Variants in CACNB2 observed in about 807,000 individuals in gnomAD.
CACNB2 encodes calcium voltage-gated channel auxiliary subunit beta 2.
CACNB2 carries 42 observed loss-of-function variants against 73.3 expected under a neutral mutation model. The observed-to-expected ratio is 0.57, with a 90% CI of 0.45 to 0.74. The LOEUF is 0.74. Among genes scored for constraint, CACNB2 ranks in the 30% least tolerant of loss-of-function variants. The pLI is 0.00. For synonymous variants in CACNB2, 348 were observed against 310.3 expected (o/e 1.12, Z -1.28); for missense variants, 940 against 853.0 (o/e 1.10, Z -1.27).
At chr10:18,355,553 C>T (rs1479795360) in intron 2 of CACNB2, among the ~76,000 whole-genome samples, 1 of 151,666 alleles carries the variant, frequency 6.6e-6, no homozygotes, top group Non-Finnish European at 1.5e-5. Context: ...TGCTAACATT[C>T]AGTCCTAGTT....
At position 18,523,730 on chromosome 10, in the gene CACNB2, T is replaced by C. The variant is rs1385009648; in HGVS notation, c.945-3858T>C. 2.6e-5 allele frequency among the ~76,000 whole-genome samples: 4 copies of C among 152,182 alleles called. No homozygotes were observed. The East Asian group carries it at 5.8e-4, about 22-fold the overall frequency. ...TGCTTTTGGCAAGGCAAGACAGCAA[T>C]AGAGGATGGAAATTCAACAAAAGTA... On this transcript the variant is annotated intron_variant, in intron 9 of 13. Transcript: ENST00000324631.
chr10:18,272,568 G>A (rs772900289), intron 2 of CACNB2, among the ~76,000 whole-genome samples: 5 of 152,170 alleles, frequency 3.3e-5, no homozygotes, highest in Admixed American at 1.3e-4. Flanking sequence ...TAATCCCCAC[G>A]AGTCATGGGA....
chr10:18,260,452 G>C, intron 2 of CACNB2: 1 of 985,442 alleles, frequency 1.0e-6, no homozygotes, highest in Non-Finnish European at 1.2e-6. Context: ...TTGCCAGCGA[G>C]CACCAAACAA....
chr10:18,198,367 G>A (rs1330681468), intron 2 of CACNB2, among the ~76,000 whole-genome samples: 1 of 151,872 alleles, frequency 6.6e-6, no homozygotes, highest in Non-Finnish European at 1.5e-5. Context: ...GGGCACCTGG[G>A]GGTATATGTA....
At chr10:18,390,572 T>G (rs1408140253) in intron 2 of CACNB2, among the ~76,000 whole-genome samples, 2 of 152,228 alleles carry the variant, frequency 1.3e-5, no homozygotes, top group Non-Finnish European at 2.9e-5. Context: ...TTATATTTAT[T>G]TGTCCAGTTA....
chr10:18,184,812 T>A (rs1358315280), intron 2 of CACNB2, among the ~76,000 whole-genome samples: 1 of 152,152 alleles, frequency 6.6e-6, no homozygotes, highest in African/African-American at 2.4e-5. Flanking sequence ...TCGCTGCACA[T>A]GTCGACCCAT....
rs367618335 is a variant in CACNB2 at position 18,180,325 on chromosome 10, G to A, written c.213+29350G>A. Reference sequence around the variant, plus strand: ...ATCTTCCCAGATGGAAAGACTATTCGATCCATTGCACTAGATGAAATGTTT... The same window carrying A: ...ATCTTCCCAGATGGAAAGACTATTCAATCCATTGCACTAGATGAAATGTTT... On this transcript the variant is annotated intron_variant, in intron 2 of 13. Coordinates refer to ENST00000324631, the MANE Select transcript of CACNB2 (RefSeq NM_201596.3). 7.2e-5 allele frequency among the ~76,000 whole-genome samples: 11 copies of A among 152,226 alleles called. No homozygotes were observed. The East Asian group carries it at 1.7e-3, about 24-fold the overall frequency.
chr10:18,164,839 G>A (rs559361871), intron 2 of CACNB2, among the ~76,000 whole-genome samples: 1 of 152,082 alleles, frequency 6.6e-6, no homozygotes, highest in Non-Finnish European at 1.5e-5. Context: ...TGAAAACTGC[G>A]TGGGAAACAG....
At position 18,456,543 on chromosome 10, in the gene CACNB2, T is replaced by C. The variant is rs564258734; in HGVS notation, c.334-41812T>C. On this transcript the variant is annotated intron_variant, in intron 3 of 13. Transcript: ENST00000324631. Reference sequence around the variant, plus strand: ...CCAAGATATAGTGCTAAACCATTCATAGGCCACCCTTATGAGCCAATCACC... The same window carrying C: ...CCAAGATATAGTGCTAAACCATTCACAGGCCACCCTTATGAGCCAATCACC... Among the ~76,000 whole-genome samples the C allele has an allele frequency of 1.6e-4, 24 of 152,282 alleles. 1 individual carries two copies. The South Asian group carries it at 5.0e-3, about 32-fold the overall frequency.
At chr10:18,228,151 G>T (rs573376240) in intron 2 of CACNB2, among the ~76,000 whole-genome samples, 1 of 152,094 alleles carries the variant, frequency 6.6e-6, no homozygotes, top group Admixed American at 6.5e-5. Context: ...GGCCGGACGC[G>T]GTGACTCACG....
chr10:18,428,061 T>C (rs1395565568), intron 3 of CACNB2, among the ~76,000 whole-genome samples: 2 of 152,116 alleles, frequency 1.3e-5, no homozygotes, highest in African/African-American at 4.8e-5. Context: ...ATTGTTCAGT[T>C]CTAAGTATTT....
At chr10:18,300,735 G>C (rs1247286805) in intron 2 of CACNB2, among the ~76,000 whole-genome samples, 1 of 152,174 alleles carries the variant, frequency 6.6e-6, no homozygotes, top group African/African-American at 2.4e-5. Flanking sequence ...TGTAATCCCA[G>C]CTACTCGGGA....
intron 2 of CACNB2, chr10:18,261,912 A>C (rs1257220064): frequency 1.9e-6 from 1 of 518,304 alleles, no homozygotes. Context: ...AGGCAGGCTC[A>C]CACAAATATT....
rs139413143 is a variant in CACNB2, at chr10:18,314,869, CACTT to C, written c.214-87052_214-87049del. Among the ~76,000 whole-genome samples the C allele has an allele frequency of 1.1e-3, 173 of 152,318 alleles. 1 individual carries two copies. Among genetic ancestry groups the C allele is most frequent in the African/African-American group, 3.2e-3 (132 of 41,568 alleles). On this transcript the variant is annotated intron_variant, in intron 2 of 13. Coordinates refer to ENST00000324631, the MANE Select transcript of CACNB2 (RefSeq NM_201596.3). ...AAATCTGCACCAAAAGATTAAAAAACACTTACACTAAAAACTTACTAACTCAGAA... is the reference window on the plus strand; with the variant it reads ...AAATCTGCACCAAAAGATTAAAAAACACACTAAAAACTTACTAACTCAGAA...
chr10:18,182,803 C>T (rs1290097108), intron 2 of CACNB2, among the ~76,000 whole-genome samples: 1 of 145,746 alleles, frequency 6.9e-6, no homozygotes, highest in Non-Finnish European at 1.5e-5. Context: ...GCCTAGGTGA[C>T]AGAATGAGAC....
At chr10:18,350,819 T>G (rs1437761217) in intron 2 of CACNB2, among the ~76,000 whole-genome samples, 1 of 152,220 alleles carries the variant, frequency 6.6e-6, no homozygotes, top group Non-Finnish European at 1.5e-5. Context: ...TGGTGGTGGT[T>G]GTTTTTGAGA....
chr10:18,496,812 C>A (rs2049850002), intron 3 of CACNB2, among the ~76,000 whole-genome samples: 2 of 63,680 alleles, frequency 3.1e-5, no homozygotes, highest in Non-Finnish European at 5.3e-5. Flanking sequence ...GAAACTCCGC[C>A]TCAAAAAAAA....
At chr10:18,316,454 TTC>T (rs1491260886) in intron 2 of CACNB2, among the ~76,000 whole-genome samples, 2 of 137,106 alleles carry the variant, frequency 1.5e-5, no homozygotes, top group African/African-American at 5.4e-5. Flanking sequence ...CTTTCTTTTT[TTC>T]TTCCCCCCTC....
intron 3 of CACNB2, among the ~76,000 whole-genome samples, chr10:18,469,163 C>G (rs1351831910): frequency 1.3e-5 from 2 of 152,028 alleles, no homozygotes; most frequent in African/African-American, 4.8e-5. Context: ...TTGCTTGGGC[C>G]CAGGTGGTCC....
Sources: allele counts gnomAD v4.1 joint callset (sites outside exome capture counted in the v4.1 genomes callset), GRCh38; gene constraint gnomAD v4.1.1; transcripts MANE v1.5; gene names NCBI Gene and HGNC (gene_info 2026-07-23, HGNC 2026-07-21).